Variants in EPS8 observed in about 807,000 individuals in gnomAD.
EPS8 encodes EGFR pathway substrate 8, signaling adaptor, also known as epidermal growth factor receptor kinase substrate 8.
Under a neutral mutation model 103.8 loss-of-function variants are expected in EPS8, and 42 were observed. The observed-to-expected ratio is 0.40, with a 90% CI of 0.32 to 0.52. The LOEUF is 0.52. Ranked by LOEUF, EPS8 falls within the 20% of genes least tolerant of loss-of-function variation. The pLI, the probability that EPS8 is intolerant of heterozygous loss-of-function variation, is 0.40. For missense variants in EPS8, 969 were observed against 1,005.1 expected (o/e 0.96, Z 0.49); for synonymous variants, 344 against 344.6 (o/e 1.00, Z 0.02).
chr12:15,710,063 A>G (rs1470834319), intron 1 of EPS8, among the ~76,000 whole-genome samples: 2 of 139,490 alleles, frequency 1.4e-5, no homozygotes, highest in African/African-American at 5.2e-5. Flanking sequence ...AAGGCTGCCA[A>G]CCGGTACTGA....
intron 12 of EPS8, 144 bp downstream of exon 12, chr12:15,657,935 T>C: frequency 3.2e-6 from 2 of 622,956 alleles, no homozygotes; most frequent in Non-Finnish European, 2.8e-6. Flanking sequence ...TTCTCAAATT[T>C]TACATTCTTG....
At chr12:15,707,604 C>G (rs996305777) in intron 1 of EPS8, among the ~76,000 whole-genome samples, 1 of 151,964 alleles carries the variant, frequency 6.6e-6, no homozygotes, top group African/African-American at 2.4e-5. Flanking sequence ...TAAATCCTTC[C>G]GAAGTCTTCC....
rs573205496 is a variant in EPS8 at position 15,685,006 on chromosome 12, G to A, written c.-21-2034C>T. Among the ~76,000 whole-genome samples, 127 of 152,262 alleles carry A rather than the reference G, an allele frequency of 8.3e-4. No individual in the cohort carries two copies. The Middle Eastern group carries it at 0.017, about 20-fold the overall frequency. On this transcript the variant is annotated intron_variant, in intron 1 of 20. Coordinates refer to ENST00000281172, the MANE Select transcript of EPS8 (RefSeq NM_004447.6). The stretch of plus-strand genomic sequence containing the variant: ...GAGGGCCTGATTTGTAGTGCTTATT[G>A]TTTTCCATGGTATAAATATTCCCAC...
chr12:15,754,731 G>A (rs1257226625), intron 1 of EPS8, among the ~76,000 whole-genome samples: 3 of 152,164 alleles, frequency 2.0e-5, no homozygotes, highest in Non-Finnish European at 4.4e-5. Flanking sequence ...ATTTGTGAAA[G>A]AAACCAACAA....
In EPS8 at chr12:15,748,050, A is replaced by T. The variant is rs1946894013; in HGVS notation, c.-22+41111T>A. 6.6e-6 allele frequency among the ~76,000 whole-genome samples: 1 copy of T among 152,090 alleles called. No individual in the cohort carries two copies. The highest frequency in any genetic ancestry group is 1.5e-5 in the Non-Finnish European group (1 of 68,032). On this transcript the variant is annotated intron_variant, in intron 1 of 20. Coordinates refer to ENST00000281172, the MANE Select transcript of EPS8 (RefSeq NM_004447.6). The surrounding 1 kb of genome is among the most constrained non-coding windows in gnomAD (Gnocchi z 4.8). ...CAAAAACAAAAACAAAACAAAAAAAAGTAATGCCTCATGCATGCAAAAAAG... is the reference window on the plus strand; with the variant it reads ...CAAAAACAAAAACAAAACAAAAAAATGTAATGCCTCATGCATGCAAAAAAG...
At chr12:15,630,016 T>C (rs1945016265) in intron 18 of EPS8, among the ~76,000 whole-genome samples, 2 of 152,266 alleles carry the variant, frequency 1.3e-5, no homozygotes, top group African/African-American at 4.8e-5. Context: ...TGAGTTTTAA[T>C]ACGATGACTA....
rs759425801 is a variant in EPS8 at position 15,741,985 on chromosome 12, T to C, written c.-22+47176A>G. Reference sequence around the variant, plus strand: ...AGTGTTTGGTTTTCTGTCCTTGCGATAGTTTGCTCAGAATTATGGTTTCCA... The same window carrying C: ...AGTGTTTGGTTTTCTGTCCTTGCGACAGTTTGCTCAGAATTATGGTTTCCA... On this transcript the variant is annotated intron_variant, in intron 1 of 20. Transcript: ENST00000281172. 2.0e-5 allele frequency among the ~76,000 whole-genome samples: 3 copies of C among 152,202 alleles called. 1 individual carries two copies. Among genetic ancestry groups the C allele is most frequent in the African/African-American group, 4.8e-5 (2 of 41,448 alleles).
chr12:15,654,857 A>T (rs1319999465), intron 12 of EPS8, among the ~76,000 whole-genome samples: 1 of 152,118 alleles, frequency 6.6e-6, no homozygotes, highest in African/African-American at 2.4e-5. Flanking sequence ...TTTTTAGAAA[A>T]TTCCTCTGAT....
Position 15,776,396 on chromosome 12 carries a change from G to A in EPS8, c.-22+12765C>T, listed in dbSNP as rs1291339056. Among the ~76,000 whole-genome samples the A allele has an allele frequency of 2.0e-5, 3 of 152,064 alleles. No individual in the cohort carries two copies. The highest frequency in any genetic ancestry group is 7.2e-5 in the African/African-American group (3 of 41,408). ...TTTGGAAGAGAGAAAAAAACAGCTG[G>A]CTTAGGTGAGTGACCTACTCTAAAA... On this transcript the variant is annotated intron_variant, in intron 1 of 20. Transcript: ENST00000281172. The surrounding 1 kb of genome is among the most constrained non-coding windows in gnomAD (Gnocchi z 4.2).
Position 15,772,731 on chromosome 12 carries a change from A to G in EPS8, c.-22+16430T>C, listed in dbSNP as rs969393193. Among the ~76,000 whole-genome samples, 6 of 152,202 alleles carry G rather than the reference A, an allele frequency of 3.9e-5. No individual in the cohort carries two copies. Among genetic ancestry groups the G allele is most frequent in the African/African-American group, 1.2e-4 (5 of 41,444 alleles). On this transcript the variant is annotated intron_variant, in intron 1 of 20. Transcript: ENST00000281172. This position sits in a 1 kb window ranked among gnomAD's most constrained non-coding sequence, Gnocchi z 5.0. ...AAAGCAGAGGTAGATGTTAACCAGG[A>G]AAGAACAGCACCACCACAGGAGCCA...
At chr12:15,639,670 C>T (rs538029652) in intron 17 of EPS8, among the ~76,000 whole-genome samples, 2 of 152,182 alleles carry the variant, frequency 1.3e-5, no homozygotes, top group South Asian at 4.2e-4. Flanking sequence ...AGGACTGACA[C>T]CAGGCATGAA....
Position 15,669,413 on chromosome 12 carries a change from G to C in EPS8, c.490C>G (p.His164Asp). The C allele has an allele frequency of 1.2e-6, 2 of 1,613,340 alleles. No individual in the cohort carries two copies. The highest frequency in any genetic ancestry group is 1.7e-6 in the Non-Finnish European group (2 of 1,179,826). ...KEPTQNKPDLHLFQCDEVKAN... is the reference protein window; with the variant it reads ...KEPTQNKPDLDLFQCDEVKAN... ...TTAACCTCATCACACTGGAAGAGAT[G>C]AAGATCTGGCTTGTTCTGGGTTGGC... Residue 164 changes from histidine to aspartate, a missense_variant, in exon 6 of 21, where the codon CAT becomes GAT. Transcript: ENST00000281172.
In EPS8 at chr12:15,688,548, A is replaced by G. The variant is rs886441485; in HGVS notation, c.-21-5576T>C. ...AGCAGGCAGGCACATAAGCAGCTGG[A>G]CATTGAGAGGGGCACATCGGCAGAG... On this transcript the variant is annotated intron_variant, in intron 1 of 20. Transcript: ENST00000281172. The surrounding 1 kb of genome is among the most constrained non-coding windows in gnomAD (Gnocchi z 5.1). 6.6e-6 allele frequency among the ~76,000 whole-genome samples: 1 copy of G among 152,162 alleles called. No individual in the cohort carries two copies. The highest frequency in any genetic ancestry group is 1.5e-5 in the Non-Finnish European group (1 of 68,030).
At chr12:15,707,745 A>T (rs1946406854) in intron 1 of EPS8, among the ~76,000 whole-genome samples, 1 of 152,106 alleles carries the variant, frequency 6.6e-6, no homozygotes, top group African/African-American at 2.4e-5. Context: ...TAAGAATTTG[A>T]TTAGGCTTTA....
rs541390187 is a variant in EPS8, at chr12:15,643,712, C to A, written c.1569-1882G>T. Among the ~76,000 whole-genome samples, 131 of 137,228 alleles carry A rather than the reference C, an allele frequency of 9.5e-4. No homozygotes were observed. In the South Asian group the frequency reaches 0.015, roughly 16 times the overall value. 90.0% of individuals were successfully genotyped at this position (137,228 alleles called of 152,430 possible). A position where few individuals can be genotyped will look rare whatever the true frequency, so the allele number is the denominator to read the frequency against. On this transcript the variant is annotated intron_variant, in intron 15 of 20. Coordinates refer to ENST00000281172, the MANE Select transcript of EPS8 (RefSeq NM_004447.6). ...CGATATCGTGCCATTGCACTCCAGC[C>A]TGGGCGACAAGAGCAAAACTCTGTC...
intron 1 of EPS8, among the ~76,000 whole-genome samples, chr12:15,763,054 T>A (rs899294925): frequency 7.9e-5 from 12 of 152,174 alleles, no homozygotes; most frequent in African/African-American, 2.9e-4. Context: ...CCCATAAACA[T>A]ATACACCTTT....
chr12:15,685,180 T>C (rs1946074212), intron 1 of EPS8, among the ~76,000 whole-genome samples: 1 of 152,198 alleles, frequency 6.6e-6, no homozygotes, highest in African/African-American at 2.4e-5. Flanking sequence ...ATTATGGAAC[T>C]AGAGATAGTC....
intron 1 of EPS8, among the ~76,000 whole-genome samples, chr12:15,685,373 A>G (rs1429356245): frequency 6.6e-6 from 1 of 152,210 alleles, no homozygotes. Context: ...AAAAAAAAGA[A>G]GTGTTCTTTC....
intron 17 of EPS8, among the ~76,000 whole-genome samples, chr12:15,635,766 T>C (rs1326665800): frequency 1.3e-5 from 2 of 152,064 alleles, no homozygotes; most frequent in Non-Finnish European, 2.9e-5. Flanking sequence ...AATAAAATGC[T>C]CTCTTTAAGG....
Sources: gnomAD v4.1 joint callset for allele counts (sites outside exome capture counted in the v4.1 genomes callset) on GRCh38, gnomAD v4.1.1 for gene constraint, Gnocchi (gnomAD v3.1) non-coding constraint, MANE v1.5 for transcripts, NCBI Gene and HGNC (gene_info 2026-07-23, HGNC 2026-07-21) for gene names.